Variants in BRD4 observed in about 807,000 individuals in gnomAD.
The protein encoded by BRD4 is bromodomain containing 4.
A neutral mutation model predicts 142.1 loss-of-function variants in BRD4; 16 were observed. That is an observed-to-expected ratio of 0.11 (90% CI 0.08 to 0.17). BRD4 has a LOEUF of 0.17. Among genes scored for constraint, BRD4 ranks in the 10% least tolerant of loss-of-function variants. The pLI, the probability that BRD4 is intolerant of heterozygous loss-of-function variation, is 1.00. For missense variants in BRD4, 1,424 were observed against 1,810.9 expected (o/e 0.79, Z 3.88); for synonymous variants, 833 against 707.5 (o/e 1.18, Z -2.82).
chr19:15,243,611 C>T (rs1428575109), intron 13 of BRD4, 124 bp from the exon 14 acceptor site: 5 of 1,389,272 alleles, frequency 3.6e-6, no homozygotes, highest in Non-Finnish European at 4.7e-6. Flanking sequence ...CAAACTGGCA[C>T]TCCCTCCCCA....
Position 15,243,269 on chromosome 19 carries a change from G to GTAC in BRD4, c.2799_2800insGTA (p.Gln933_Gln934insVal). On this transcript the variant is annotated inframe_insertion, in exon 14 of 20. Coordinates refer to ENST00000679869, the MANE Select transcript of BRD4 (RefSeq NM_001379291.1). ...GTAGGGGGCTGCACCTTCTGCAGCT[G>GTAC]CTGCAGGTACAGCTGCATCTGCATG... is the stretch of plus-strand genomic sequence containing the variant. 6.8e-7 allele frequency: 1 copy of GTAC among 1,475,222 alleles called. No individual in the cohort carries two copies. The highest frequency in any genetic ancestry group is 9.1e-7 in the Non-Finnish European group (1 of 1,104,896). The allele number at this position is 1,475,222 out of a possible 1,614,324, so 91.4% of individuals were successfully genotyped here. A position where few individuals can be genotyped will look rare whatever the true frequency, so the allele number is the denominator to read the frequency against.
At chr19:15,307,161 G>T (rs1356422210) in intron 1 of BRD4, among the ~76,000 whole-genome samples, 3 of 152,172 alleles carry the variant, frequency 2.0e-5, no homozygotes, top group Non-Finnish European at 4.4e-5. Flanking sequence ...TCCTCAAGTT[G>T]AGTGACACAA....
chr19:15,244,687 A>C (rs747494774), intron 12 of BRD4, 23 bp downstream of exon 12: 6 of 1,614,064 alleles, frequency 3.7e-6, no homozygotes, highest in Admixed American at 1.7e-5. Context: ...CACCTAATGA[A>C]GGATGCCCCT....
At chr19:15,329,554 T>C (rs1045003892) in intron 1 of BRD4, among the ~76,000 whole-genome samples, 4 of 151,682 alleles carry the variant, frequency 2.6e-5, no homozygotes, top group African/African-American at 9.7e-5. Flanking sequence ...TACTGGCCAA[T>C]ATGATGAAAC....
rs1345200571 is a variant in BRD4 at position 15,264,834 on chromosome 19, AC to A, written c.850-69del. ...AGCCGGCACAGCTGCCCTCAGGGTC[AC>A]CCCCAAAGCCAGGCCCTGTCTTGGG... On this transcript the variant is annotated intron_variant, in intron 5 of 19. Coordinates refer to ENST00000679869, the MANE Select transcript of BRD4 (RefSeq NM_001379291.1). 5.2e-6 allele frequency: 8 copies of A among 1,540,958 alleles called. 1 individual carries two copies. The South Asian group carries it at 6.3e-5, about 12-fold the overall frequency.
chr19:15,265,666 G>A (rs564542299), intron 4 of BRD4, 23 bp from the exon 5 acceptor site: 9 of 1,613,590 alleles, frequency 5.6e-6, no homozygotes, highest in South Asian at 4.4e-5. Flanking sequence ...ATAAGACGGC[G>A]AGTTAGAGAC....
intron 1 of BRD4, chr19:15,280,471 C>CA: frequency 9.9e-7 from 1 of 1,009,674 alleles, no homozygotes; most frequent in Non-Finnish European, 1.2e-6. Context: ...GTAAACAAAT[C>CA]AGAGCCAAGA....
chr19:15,261,396 C>T (rs2047469660), intron 7 of BRD4, among the ~76,000 whole-genome samples: 1 of 151,860 alleles, frequency 6.6e-6, no homozygotes, highest in Admixed American at 6.6e-5. Context: ...GGCAGGAGAA[C>T]TGCTTGAACC....
intron 1 of BRD4, among the ~76,000 whole-genome samples, chr19:15,307,398 C>T (rs866381444): frequency 1.3e-5 from 2 of 152,174 alleles, no homozygotes; most frequent in Non-Finnish European, 1.5e-5. Context: ...CAACCTGCTC[C>T]AGATCACTGC....
chr19:15,305,771 TAC>T (rs1377101747), intron 1 of BRD4, among the ~76,000 whole-genome samples: 17 of 152,266 alleles, frequency 1.1e-4, no homozygotes, highest in Admixed American at 1.1e-3. Flanking sequence ...TTGATTTTTC[TAC>T]AGCTATAAAA....
chr19:15,323,503 C>T (rs1362277557), intron 1 of BRD4, among the ~76,000 whole-genome samples: 1 of 152,110 alleles, frequency 6.6e-6, no homozygotes, highest in Non-Finnish European at 1.5e-5. Context: ...AGTATGAAGT[C>T]CCCAAATTTT....
intron 11 of BRD4, chr19:15,248,270 T>C (rs959864191): frequency 1.4e-5 from 3 of 216,564 alleles, no homozygotes; most frequent in Non-Finnish European, 2.8e-5. Context: ...CACACTCGCC[T>C]GCCCCAACCC....
chr19:15,325,594 T>C (rs1053257419), intron 1 of BRD4, among the ~76,000 whole-genome samples: 9 of 152,280 alleles, frequency 5.9e-5, no homozygotes, highest in Admixed American at 5.9e-4. Context: ...CTCACCCCTA[T>C]AAACAAGACC....
At chr19:15,299,690 G>C (rs777455196) in intron 1 of BRD4, among the ~76,000 whole-genome samples, 2 of 152,242 alleles carry the variant, frequency 1.3e-5, no homozygotes, top group African/African-American at 2.4e-5. Flanking sequence ...CCCAGCATGA[G>C]TGGATTCCTT....
intron 11 of BRD4, 42 bp from the exon 12 acceptor site, chr19:15,244,804 G>A (rs772696956): frequency 6.2e-7 from 1 of 1,613,736 alleles, no homozygotes; most frequent in South Asian, 1.1e-5. Flanking sequence ...TGGGGGAGAA[G>A]GTGAGTGAGC....
At chr19:15,316,595 AAAAAAG>A (rs1452700734) in intron 1 of BRD4, among the ~76,000 whole-genome samples, 4 of 152,348 alleles carry the variant, frequency 2.6e-5, no homozygotes, top group East Asian at 3.9e-4. Flanking sequence ...CCATCTCAAA[AAAAAAG>A]AAAAAGAAAA....
At position 15,265,604 on chromosome 19, in the gene BRD4, G is replaced by A. The variant is rs1044685754; in HGVS notation, c.599C>T (p.Thr200Ile). 6.2e-7 allele frequency: 1 copy of A among 1,614,166 alleles called. No homozygotes were observed. Among genetic ancestry groups the A allele is most frequent in the Admixed American group, 1.7e-5 (1 of 60,026 alleles). Reference protein sequence around the residue: ...KPGVSTVPNTTQASTPPQTQT... With the variant: ...KPGVSTVPNTIQASTPPQTQT... Reference sequence around the variant, plus strand: ...GGTCTGCGGAGGAGTCGATGCTTGAGTTGTGTTTGGTACCGTGGAAACGCC... The same window carrying A: ...GGTCTGCGGAGGAGTCGATGCTTGAATTGTGTTTGGTACCGTGGAAACGCC... The change falls in exon 5 of 20, where the codon ACT becomes ATT. Residue 200 changes from threonine to isoleucine, a missense_variant. By Grantham distance (89) the Thr-to-Ile change is moderately conservative. Transcript: ENST00000679869.
chr19:15,277,821 G>A (rs1428252681), intron 1 of BRD4, among the ~76,000 whole-genome samples: 1 of 149,652 alleles, frequency 6.7e-6, no homozygotes, highest in Non-Finnish European at 1.5e-5. Flanking sequence ...AAAAAGCAAA[G>A]GTCATATAAA....
chr19:15,239,715 C>T lies in BRD4; in HGVS notation c.3389G>A (p.Arg1130Gln), dbSNP rs200703650. 209 of 1,597,832 alleles carry T rather than the reference C, an allele frequency of 1.3e-4. No homozygotes were observed. The highest frequency in any genetic ancestry group is 1.7e-4 in the Non-Finnish European group (200 of 1,178,204). The change falls in exon 16 of 20, where the codon CGG becomes CAG. Residue 1130 changes from arginine (R) to glutamine (Q), a missense_variant. Physicochemically the swap from Arg to Gln is conservative, Grantham distance 43. This residue lies in a region of BRD4 where 598 missense variants were observed against 647.8 expected (regional missense o/e 0.92). Coordinates refer to ENST00000679869, the MANE Select transcript of BRD4 (RefSeq NM_001379291.1). The surrounding 1 kb of genome is among the most constrained non-coding windows in gnomAD (Gnocchi z 7.4). ...CTCCGGGTGCTTGGGGGGCTCCGGCCGCAGCGAGGGGCTGAAGGGCTCGCT... is the reference window on the plus strand; with the variant it reads ...CTCCGGGTGCTTGGGGGGCTCCGGCTGCAGCGAGGGGCTGAAGGGCTCGCT... ...IRSEPFSPSL[R>Q]PEPPKHPESI...
Sources: allele counts gnomAD v4.1 joint callset (sites outside exome capture counted in the v4.1 genomes callset), GRCh38; gene constraint gnomAD v4.1.1; regional missense constraint gnomAD v4.1.1; non-coding constraint Gnocchi (gnomAD v3.1); transcripts MANE v1.5; gene names NCBI Gene and HGNC (gene_info 2026-07-23, HGNC 2026-07-21).